NFE2L1: variants seen among roughly 807,000 people sequenced by gnomAD.
NFE2L1 encodes NFE2 like bZIP transcription factor 1.
Under a neutral mutation model 61.6 loss-of-function variants are expected in NFE2L1, and 18 were observed. The observed-to-expected ratio is 0.29, with a 90% confidence interval of 0.20 to 0.43. The LOEUF (loss-of-function observed/expected upper bound fraction) is 0.43. Among genes scored for constraint, NFE2L1 ranks in the 20% least tolerant of loss-of-function variants. The probability of loss-of-function intolerance (pLI) is 1.00; values close to 1 mark genes in which losing one functional copy is unlikely to be tolerated. For synonymous variants in NFE2L1, 419 were observed against 402.7 expected (o/e 1.04, Z -0.48); for missense variants, 827 against 973.5 (o/e 0.85, Z 2.00).
At chr17:48,055,651 G>A (rs2037383276) in intron 2 of NFE2L1, among the ~76,000 whole-genome samples, 1 of 152,034 alleles carries the variant, frequency 6.6e-6, no homozygotes, top group Non-Finnish European at 1.5e-5. Context: ...TGCACCCCTG[G>A]GGATCATCTG....
chr17:48,059,015 C>G lies in NFE2L1; in HGVS notation c.1693C>G (p.Leu565Val). 1 of 1,614,070 alleles carries G rather than the reference C, an allele frequency of 6.2e-7. No homozygotes were observed. The highest frequency in any genetic ancestry group is 8.5e-7 in the Non-Finnish European group (1 of 1,180,046). The stretch of plus-strand genomic sequence containing the variant: ...CCAGGATCCAGCTCAGCTCTCATGC[C>G]TGCCCTACCTGGAGCACGTGGGCCA... ...SYQDPAQLSC[L>V]PYLEHVGHNH... is the part of the protein sequence containing the mutation. Residue 565 changes from leucine (L) to valine (V), a missense_variant, in exon 6 of 6, where the codon CTG (leucine) becomes GTG (valine). Physicochemically the swap from Leu to Val is conservative, Grantham distance 32 (BLOSUM62 1). Transcript: ENST00000362042. The surrounding 1 kb of genome is among the most constrained non-coding windows in gnomAD (Gnocchi z 6.1).
Position 48,051,283 on chromosome 17 carries a change from C to T in NFE2L1, c.165C>T (p.Phe55=), listed in dbSNP as rs772152071. The T allele has an allele frequency of 2.0e-5, 32 of 1,614,000 alleles. No individual in the cohort carries two copies. The highest frequency in any genetic ancestry group is 1.6e-4 in the Middle Eastern group (1 of 6,084). ...GTTCTGCCTATACTCAGACCCAGTT[C>T]CACAACCTGAGGAATACCTTGGATG... ...GPSSAYTQTQ[F]HNLRNTLDGY... is the part of the protein sequence containing the mutation. Residue 55 remains phenylalanine (F), a synonymous_variant, in exon 2 of 6, where the codon TTC becomes TTT. Coordinates refer to ENST00000362042, the MANE Select transcript of NFE2L1 (RefSeq NM_003204.3).
At chr17:48,050,442 G>T (rs2037220886) in intron 1 of NFE2L1, among the ~76,000 whole-genome samples, 165 bp from the exon 2 acceptor site, 1 of 151,896 alleles carries the variant, frequency 6.6e-6, no homozygotes, top group South Asian at 2.1e-4. Flanking sequence ...TCACGCCACT[G>T]CACTCTAGCC....
At position 48,051,051 on chromosome 17, in the gene NFE2L1, A is replaced by G; in HGVS notation, c.-68A>G. ...AACCTGCTGGCTGGAGCGGCAGAGCAGTGGCCTTGATTTGTCTTTTGGAAG... is the reference window on the plus strand; with the variant it reads ...AACCTGCTGGCTGGAGCGGCAGAGCGGTGGCCTTGATTTGTCTTTTGGAAG... On this transcript the variant is annotated 5_prime_UTR_variant, in exon 2 of 6. Transcript: ENST00000362042. 6.3e-7 allele frequency: 1 copy of G among 1,594,790 alleles called. No individual in the cohort carries two copies. The highest frequency in any genetic ancestry group is 8.6e-7 in the Non-Finnish European group (1 of 1,166,420).
chr17:48,050,019 A>G (rs916129590), intron 1 of NFE2L1, among the ~76,000 whole-genome samples: 2 of 152,192 alleles, frequency 1.3e-5, no homozygotes, highest in East Asian at 1.9e-4. Context: ...TGACCTGGTT[A>G]TTGTCTGCTT....
In NFE2L1 at chr17:48,059,225, G is replaced by C; in HGVS notation, c.1903G>C (p.Val635Leu). 1 of 1,614,158 alleles carries C rather than the reference G, an allele frequency of 6.2e-7. No homozygotes were observed. The highest frequency in any genetic ancestry group is 8.5e-7 in the Non-Finnish European group (1 of 1,180,042). ...CAATGACAAAATCATCAACCTGCCTGTGGAGGAGTTCAATGAACTGCTGTC... is the reference window on the plus strand; with the variant it reads ...CAATGACAAAATCATCAACCTGCCTCTGGAGGAGTTCAATGAACTGCTGTC... Reference protein sequence around the residue: ...FTNDKIINLPVEEFNELLSKY... With the variant: ...FTNDKIINLPLEEFNELLSKY... Residue 635 changes from valine (V) to leucine (L), a missense_variant, in exon 6 of 6, where the codon GTG (valine) becomes CTG (leucine). Coordinates refer to ENST00000362042, the MANE Select transcript of NFE2L1 (RefSeq NM_003204.3). This position sits in a 1 kb window ranked among gnomAD's most constrained non-coding sequence, Gnocchi z 6.1.
chr17:48,054,601 T>G (rs1168689895), intron 2 of NFE2L1: 89 of 355,008 alleles, frequency 2.5e-4, no homozygotes, highest in African/African-American at 1.8e-3. Context: ...ACCTGCGGGG[T>G]GGGAGGGGGT....
At chr17:48,056,280 C>A in intron 2 of NFE2L1, 106 bp from the exon 3 acceptor site, 1 of 1,318,722 alleles carries the variant, frequency 7.6e-7, no homozygotes, top group Non-Finnish European at 1.1e-6. Flanking sequence ...CTGGGAGGGG[C>A]CCCACCCAGG....
At position 48,058,852 on chromosome 17, in the gene NFE2L1, T is replaced by C. The variant is rs1567756410; in HGVS notation, c.1530T>C (p.Ala510=). 1.2e-6 allele frequency: 2 copies of C among 1,613,778 alleles called. No homozygotes were observed. The highest frequency in any genetic ancestry group is 3.3e-5 in the Admixed American group (2 of 59,990). The change falls in exon 6 of 6, where the codon GCT becomes GCC. Residue 510 remains alanine, a synonymous_variant. Transcript: ENST00000362042. The part of the protein sequence containing the change: ...SSSSSSSSSS[A]SSSASSSFSE... ...CCTCCTCTTCCTCTTCTTCCTCTGCTTCTTCCTCTGCCTCTTCCTCCTTTT... is the reference window on the plus strand; with the variant it reads ...CCTCCTCTTCCTCTTCTTCCTCTGCCTCTTCCTCTGCCTCTTCCTCCTTTT...
At chr17:48,052,430 C>G (rs1239472887) in intron 2 of NFE2L1, among the ~76,000 whole-genome samples, 1 of 152,138 alleles carries the variant, frequency 6.6e-6, no homozygotes, top group Non-Finnish European at 1.5e-5. Flanking sequence ...TGCCATCCAG[C>G]CTTAAGTAGC....
At chr17:48,054,324 C>T (rs1205987117) in intron 2 of NFE2L1, 2 of 160,820 alleles carry the variant, frequency 1.2e-5, no homozygotes, top group Non-Finnish European at 2.7e-5. Context: ...GGGCGCATCT[C>T]CTCAAGGAGA....
rs769881073 is a variant in NFE2L1 at position 48,059,218 on chromosome 17, C to T, written c.1896C>T (p.Asn632=). 5.6e-6 allele frequency: 9 copies of T among 1,614,056 alleles called. No homozygotes were observed. The Admixed American group carries it at 8.3e-5, about 15-fold the overall frequency. ...CTTTCACCAATGACAAAATCATCAA[C>T]CTGCCTGTGGAGGAGTTCAATGAAC... ...KIPFTNDKII[N]LPVEEFNELL... is the part of the protein sequence containing the mutation. Residue 632 remains asparagine (N), a synonymous_variant, in exon 6 of 6, where the codon AAC becomes AAT. Transcript: ENST00000362042. This position sits in a 1 kb window ranked among gnomAD's most constrained non-coding sequence, Gnocchi z 6.1.
chr17:48,058,247 G>A (rs2037451196), intron 5 of NFE2L1, 48 bp from the exon 6 acceptor site: 1 of 1,521,452 alleles, frequency 6.6e-7, no homozygotes, highest in Non-Finnish European at 8.8e-7. Flanking sequence ...GAGCCCCAGG[G>A]GAGGGAGTCA....
intron 2 of NFE2L1, among the ~76,000 whole-genome samples, chr17:48,053,963 T>G (rs192028151): frequency 9.3e-4 from 141 of 152,210 alleles, no homozygotes; most frequent in Middle Eastern, 3.4e-3. Flanking sequence ...ACTGTGACAT[T>G]GCTGCACGTG....
rs746330069 is a variant in NFE2L1, at chr17:48,051,144, C to T, written c.26C>T (p.Thr9Met). The T allele has an allele frequency of 8.7e-6, 14 of 1,614,184 alleles. No homozygotes were observed. In the South Asian group the frequency reaches 1.1e-4, roughly 13 times the overall value. The change falls in exon 2 of 6, where the codon ACG becomes ATG. Residue 9 changes from threonine (T) to methionine (M), a missense_variant. By Grantham distance (81) the Thr-to-Met change is moderately conservative. This residue lies in a region of NFE2L1 where 667 missense variants were observed against 748.4 expected (regional missense o/e 0.89). Transcript: ENST00000362042. MLSLKKYL[T>M]EGLLQFTILL... ...ATGCTTTCTCTGAAGAAATACTTAA[C>T]GGAAGGACTTCTCCAGTTCACCATT... is the stretch of plus-strand genomic sequence containing the variant.
rs1275461044 is a variant in NFE2L1, at chr17:48,051,442, C to T, written c.324C>T (p.Asp108=). The T allele has an allele frequency of 1.2e-6, 2 of 1,614,074 alleles. No individual in the cohort carries two copies. The highest frequency in any genetic ancestry group is 2.7e-5 in the African/African-American group (2 of 74,926). ...TAAATGCCTGGCTGGTTCACCGAGA[C>T]CCAGAGGGGTCTGTCTCTGGCAGTC... The part of the protein sequence containing the change: ...TEVNAWLVHR[D]PEGSVSGSQP... The change falls in exon 2 of 6, where the codon GAC becomes GAT. Residue 108 remains aspartate (D), a synonymous_variant. Transcript: ENST00000362042.
chr17:48,059,147 A>G lies in NFE2L1; in HGVS notation c.1825A>G (p.Lys609Glu). Residue 609 changes from lysine (K) to glutamate (E), a missense_variant, in exon 6 of 6, where the codon AAG becomes GAG. Lys to Glu is a moderately conservative substitution (Grantham distance 56). Around this residue, in one of 3 missense-constraint regions of NFE2L1, gnomAD observed 667 missense variants for 748.4 expected, o/e 0.89. Coordinates refer to ENST00000362042, the MANE Select transcript of NFE2L1 (RefSeq NM_003204.3). The surrounding 1 kb of genome is among the most constrained non-coding windows in gnomAD (Gnocchi z 6.1). ...GGAGAAGCAGGCTGACTTCCTGGAC[A>G]AGCAGATGAGCCGGGATGAGCACCG... is the stretch of plus-strand genomic sequence containing the variant. ...SKEKQADFLDKQMSRDEHRAR... is the reference protein window; with the variant it reads ...SKEKQADFLDEQMSRDEHRAR... The G allele has an allele frequency of 6.2e-7, 1 of 1,614,084 alleles. No homozygotes were observed. The highest frequency in any genetic ancestry group is 8.5e-7 in the Non-Finnish European group (1 of 1,180,010).
intron 2 of NFE2L1, chr17:48,054,562 G>A: frequency 3.3e-6 from 4 of 1,218,046 alleles, no homozygotes; most frequent in Non-Finnish European, 4.1e-6. Context: ...CCTGGGGGAG[G>A]GGATTGGCTC....
At position 48,059,711 on chromosome 17, in the gene NFE2L1, C is replaced by T; in HGVS notation, c.*70C>T. The T allele has an allele frequency of 6.7e-7, 1 of 1,502,122 alleles. No homozygotes were observed. 93.0% of individuals were successfully genotyped at this position (1,502,122 alleles called of 1,614,324 possible). ...GAGAAGGGCTGGACCTGGACCTGGA[C>T]CTGGACCTACAGCGGGGACTTAAAT... On this transcript the variant is annotated 3_prime_UTR_variant, in exon 6 of 6. Transcript: ENST00000362042. The surrounding 1 kb of genome is among the most constrained non-coding windows in gnomAD (Gnocchi z 6.1).
Sources: allele counts gnomAD v4.1 joint callset (sites outside exome capture counted in the v4.1 genomes callset), GRCh38; gene constraint gnomAD v4.1.1; regional missense constraint gnomAD v4.1.1; non-coding constraint Gnocchi (gnomAD v3.1); transcripts MANE v1.5; gene names NCBI Gene and HGNC (gene_info 2026-07-23, HGNC 2026-07-21).